COL14A1: variants seen among roughly 807,000 people sequenced by gnomAD.
COL14A1 encodes collagen alpha-1(XIV) chain.
A neutral mutation model predicts 230.3 loss-of-function variants in COL14A1; 136 were observed. That is an observed-to-expected ratio of 0.59 (90% CI 0.51 to 0.68). The LOEUF (loss-of-function observed/expected upper bound fraction) is 0.68. COL14A1 is among the 30% of genes least tolerant of loss of function. COL14A1 has a pLI of 0.00. For missense variants in COL14A1, 1,976 were observed against 2,215.8 expected (o/e 0.89, Z 2.17); for synonymous variants, 792 against 784.1 (o/e 1.01, Z -0.17).
At chr8:120,238,106 T>G (rs529186387) in intron 19 of COL14A1, among the ~76,000 whole-genome samples, 1 of 152,320 alleles carries the variant, frequency 6.6e-6, no homozygotes, top group Non-Finnish European at 1.5e-5. Flanking sequence ...TTGAGGAGAC[T>G]GTCTGTCCCT....
chr8:120,149,090 CAA>C (rs1248795391), intron 2 of COL14A1, among the ~76,000 whole-genome samples: 2 of 152,170 alleles, frequency 1.3e-5, no homozygotes, highest in Non-Finnish European at 2.9e-5. Flanking sequence ...CACAACTGTG[CAA>C]AGTGATATTA....
intron 3 of COL14A1, among the ~76,000 whole-genome samples, chr8:120,158,621 A>G (rs1428501905): frequency 6.6e-6 from 1 of 152,220 alleles, no homozygotes; most frequent in African/African-American, 2.4e-5. Context: ...AGCATTATAC[A>G]TTGAAATTAG....
chr8:120,216,349 A>C lies in COL14A1; in HGVS notation c.1598-2A>C. 6.2e-7 allele frequency: 1 copy of C among 1,600,050 alleles called. No homozygotes were observed. The highest frequency in any genetic ancestry group is 8.5e-7 in the Non-Finnish European group (1 of 1,176,720). On this transcript the variant is annotated splice_acceptor_variant, in intron 13 of 47. Transcript: ENST00000297848. LOFTEE classifies it high-confidence loss of function. ...TTATTTTCTATTCCATTTACTGCCA[A>C]GTGGCTTTAAGTCCACCAAGAAACC...
At chr8:120,353,472 A>G (rs1822846505) in intron 45 of COL14A1, among the ~76,000 whole-genome samples, 1 of 133,838 alleles carries the variant, frequency 7.5e-6, no homozygotes, top group South Asian at 2.7e-4. Flanking sequence ...AATGGGAGAA[A>G]ATTTTCGCAA....
intron 22 of COL14A1, among the ~76,000 whole-genome samples, chr8:120,251,631 A>G (rs1037792409): frequency 6.6e-6 from 1 of 152,320 alleles, no homozygotes; most frequent in Non-Finnish European, 1.5e-5. Context: ...ATACCTCCGC[A>G]TGATCTGTTT....
chr8:120,347,784 C>G (rs1030643747), intron 45 of COL14A1, among the ~76,000 whole-genome samples: 7 of 152,096 alleles, frequency 4.6e-5, no homozygotes, highest in Non-Finnish European at 1.0e-4. Context: ...TTGTTTTTTT[C>G]TGCTGTATAA....
chr8:120,131,428 A>G (rs999276657), intron 1 of COL14A1, among the ~76,000 whole-genome samples: 11 of 151,342 alleles, frequency 7.3e-5, no homozygotes, highest in Admixed American at 5.3e-4. Flanking sequence ...TAGTATCTCA[A>G]TGTGATTTTG....
At chr8:120,302,460 G>T (rs1820742786) in intron 36 of COL14A1, among the ~76,000 whole-genome samples, 1 of 152,128 alleles carries the variant, frequency 6.6e-6, no homozygotes, top group African/African-American at 2.4e-5. Context: ...TCTGCATATG[G>T]CTAGCCAGTT....
At chr8:120,289,562 A>T in intron 33 of COL14A1, 46 bp from the exon 34 acceptor site, 1 of 1,554,776 alleles carries the variant, frequency 6.4e-7, no homozygotes, top group Non-Finnish European at 8.8e-7. Flanking sequence ...TTTGGTTGAT[A>T]TTTCCTTCTG....
In COL14A1 at chr8:120,162,558, G is replaced by T. The variant is rs1471531850; in HGVS notation, c.338G>T (p.Gly113Val). The T allele has an allele frequency of 5.6e-6, 9 of 1,604,822 alleles. No homozygotes were observed. Among genetic ancestry groups the T allele is most frequent in the Admixed American group, 1.7e-5 (1 of 58,398 alleles). The change falls in exon 4 of 48, where the codon GGC (glycine) becomes GTC (valine). Residue 113 changes from glycine (G) to valine (V), a missense_variant. This residue lies in a region of COL14A1 where 181 missense variants were observed against 178.6 expected (regional missense o/e 1.01). Coordinates refer to ENST00000297848, the MANE Select transcript of COL14A1 (RefSeq NM_021110.4). ...NKDKESKPAQ[G>V]QFRIKDLEKR... Reference sequence around the variant, plus strand: ...GATAAAGAAAGCAAGCCAGCTCAAGGCCAATTCAGAAGTACGTATTTACAG... The same window carrying T: ...GATAAAGAAAGCAAGCCAGCTCAAGTCCAATTCAGAAGTACGTATTTACAG...
intron 36 of COL14A1, among the ~76,000 whole-genome samples, chr8:120,303,620 C>A (rs766941182): frequency 6.6e-6 from 1 of 152,184 alleles, no homozygotes; most frequent in Admixed American, 6.6e-5. Flanking sequence ...TTTTGATGTG[C>A]TGCTGGATTC....
chr8:120,292,789 A>G (rs117497359), intron 34 of COL14A1, among the ~76,000 whole-genome samples: 2,043 of 152,226 alleles, frequency 0.013, 14 homozygotes, highest in Non-Finnish European at 0.019. Flanking sequence ...TAAATGCCAG[A>G]TGGTGGAAGT....
intron 26 of COL14A1, among the ~76,000 whole-genome samples, chr8:120,276,747 A>C (rs968166006): frequency 3.3e-5 from 5 of 151,934 alleles, no homozygotes; most frequent in African/African-American, 4.8e-5. Flanking sequence ...TGACGAGTTA[A>C]TGGGTGCAGC....
rs565216104 is a variant in COL14A1 at position 120,355,873 on chromosome 8, T to A, written c.5077+10310T>A. 2.2e-3 allele frequency among the ~76,000 whole-genome samples: 329 copies of A among 152,374 alleles called. 2 individuals carry two copies. Among genetic ancestry groups the A allele is most frequent in the South Asian group, 7.2e-3 (35 of 4,828 alleles). ...ACAGCTGGAATTTATATCTGGTTTA[T>A]CTTATAGAATAAGTCAGCAAATATT... On this transcript the variant is annotated intron_variant, in intron 45 of 47. Coordinates refer to ENST00000297848, the MANE Select transcript of COL14A1 (RefSeq NM_021110.4).
intron 21 of COL14A1, among the ~76,000 whole-genome samples, chr8:120,248,637 G>T (rs1818833864): frequency 1.3e-5 from 2 of 152,090 alleles, no homozygotes; most frequent in African/African-American, 4.8e-5. Context: ...AGGGTGGATT[G>T]CTTGAGTCCA....
At chr8:120,175,858 A>G (rs970893738) in intron 5 of COL14A1, among the ~76,000 whole-genome samples, 3 of 152,166 alleles carry the variant, frequency 2.0e-5, no homozygotes, top group African/African-American at 7.2e-5. Flanking sequence ...CAACTGTTCT[A>G]TTTTGCTATT....
chr8:120,184,830 G>A (rs1816596498), intron 5 of COL14A1, among the ~76,000 whole-genome samples: 1 of 152,146 alleles, frequency 6.6e-6, no homozygotes, highest in Non-Finnish European at 1.5e-5. Flanking sequence ...CAGCATTTTT[G>A]TTCTCTTCAG....
chr8:120,147,796 C>G lies in COL14A1; in HGVS notation c.-37-10C>G. 7.0e-7 allele frequency: 1 copy of G among 1,419,662 alleles called. No homozygotes were observed. The highest frequency in any genetic ancestry group is 9.8e-7 in the Non-Finnish European group (1 of 1,015,974). The allele number at this position is 1,419,662 out of a possible 1,614,324, so 87.9% of individuals were successfully genotyped here. ...CTTCTCAAAAATGTTCCTGTTCTCTCTGTTTCTAGGTGGCTGCTACACCCC... is the reference window on the plus strand; with the variant it reads ...CTTCTCAAAAATGTTCCTGTTCTCTGTGTTTCTAGGTGGCTGCTACACCCC... On this transcript the variant is annotated splice_polypyrimidine_tract_variant and intron_variant, in intron 1 of 47. Coordinates refer to ENST00000297848, the MANE Select transcript of COL14A1 (RefSeq NM_021110.4).
intron 1 of COL14A1, among the ~76,000 whole-genome samples, chr8:120,138,930 A>T (rs1586708936): frequency 6.6e-6 from 1 of 152,292 alleles, no homozygotes; most frequent in South Asian, 2.1e-4. Context: ...CATATATATA[A>T]AATGTGGAGT....
Sources: gnomAD v4.1 joint callset for allele counts (sites outside exome capture counted in the v4.1 genomes callset) on GRCh38, gnomAD v4.1.1 for gene constraint, gnomAD v4.1.1 regional missense constraint, MANE v1.5 for transcripts, NCBI Gene and HGNC (gene_info 2026-07-23, HGNC 2026-07-21) for gene names.